The following KLF8 variants were observed in gnomAD, a reference collection of about 807,000 sequenced individuals.
KLF8 encodes Krueppel-like factor 8.
In KLF8, 10 loss-of-function variants were observed where a neutral mutation model predicts 18.2. The observed-to-expected ratio is 0.55, with a 90% confidence interval of 0.34 to 0.93. The LOEUF is 0.93. Among genes scored for constraint, KLF8 ranks in the 40% least tolerant of loss-of-function variants. The probability of loss-of-function intolerance (pLI) is 0.02; values close to 1 mark genes in which losing one functional copy is unlikely to be tolerated. For synonymous variants in KLF8, 109 were observed against 97.3 expected (o/e 1.12, Z -0.71); for missense variants, 264 against 277.9 (o/e 0.95, Z 0.36).
chrX:56,053,989 CTCTA>C, the KLF8 span, among the ~76,000 whole-genome samples: 1 of 110,762 alleles, frequency 9.0e-6, no homozygotes, highest in African/African-American at 3.3e-5. Flanking sequence ...TTTTTCATAT[CTCTA>C]TCTTCTTTTC....
chrX:56,111,502 T>A, the KLF8 span, among the ~76,000 whole-genome samples: 2 of 112,117 alleles, frequency 1.8e-5, no homozygotes, highest in African/African-American at 6.5e-5. Context: ...ACTAAAGAGC[T>A]TCTGCACATC....
chrX:56,158,161 T>G, the KLF8 span, among the ~76,000 whole-genome samples: 9 of 111,866 alleles, frequency 8.0e-5, no homozygotes, highest in Non-Finnish European at 1.7e-4. Flanking sequence ...TTTCCCCATT[T>G]CTTGTTTTTC....
At chrX:55,910,148 G>A in the KLF8 span, among the ~76,000 whole-genome samples, 5 of 111,776 alleles carry the variant, frequency 4.5e-5, no homozygotes, top group Admixed American at 1.9e-4. Context: ...CTTACTCAGC[G>A]GTCCAGGGTA....
chrX:56,154,100 C>CA, the KLF8 span, among the ~76,000 whole-genome samples: 97 of 110,510 alleles, frequency 8.8e-4, 1 homozygote, highest in African/African-American at 2.9e-3. Context: ...CATATGGAAC[C>CA]AAAAAAAGAG....
chrX:56,069,469 G>T, the KLF8 span, among the ~76,000 whole-genome samples: 1 of 110,461 alleles, frequency 9.1e-6, no homozygotes, highest in Non-Finnish European at 1.9e-5. Context: ...CCGCTTCTGT[G>T]GAAACTCAGC....
the KLF8 span, among the ~76,000 whole-genome samples, chrX:55,910,011 C>T: frequency 9.0e-6 from 1 of 111,385 alleles, no homozygotes; most frequent in Non-Finnish European, 1.9e-5. Context: ...CTCCACAGGT[C>T]GAAGAGATGA....
chrX:56,172,292 T>C, the KLF8 span, among the ~76,000 whole-genome samples: 14 of 110,849 alleles, frequency 1.3e-4, no homozygotes, highest in East Asian at 4.0e-3. Context: ...GTATGTGATG[T>C]TCCCCTTCCT....
chrX:55,988,967 A>C, the KLF8 span, among the ~76,000 whole-genome samples: 2 of 111,482 alleles, frequency 1.8e-5, no homozygotes, highest in Non-Finnish European at 3.8e-5. Context: ...TGAAGCAATG[A>C]TGAATGGGAG....
the KLF8 span, among the ~76,000 whole-genome samples, chrX:56,163,169 C>G: frequency 1.8e-4 from 20 of 111,891 alleles, no homozygotes; most frequent in Admixed American, 1.7e-3. Flanking sequence ...GGAATTACTG[C>G]ACTATCTTCC....
At chrX:56,012,838 C>G in the KLF8 span, among the ~76,000 whole-genome samples, 2 of 111,004 alleles carry the variant, frequency 1.8e-5, no homozygotes, top group Non-Finnish European at 1.9e-5. Context: ...TGTCATTTTT[C>G]ACAGAATTAG....
chrX:56,068,716 G>T, the KLF8 span, among the ~76,000 whole-genome samples: 1 of 101,853 alleles, frequency 9.8e-6, no homozygotes, highest in Non-Finnish European at 2.0e-5. Flanking sequence ...CCTGCCAATG[G>T]TAGCCAGGCA....
At chrX:56,088,605 C>T in the KLF8 span, among the ~76,000 whole-genome samples, 1 of 111,804 alleles carries the variant, frequency 8.9e-6, no homozygotes, top group African/African-American at 3.3e-5. Flanking sequence ...CAAAGTGGCT[C>T]TGAGGACCAA....
At chrX:56,158,681 G>T in the KLF8 span, among the ~76,000 whole-genome samples, 4 of 110,476 alleles carry the variant, frequency 3.6e-5, no homozygotes, top group Non-Finnish European at 7.6e-5. Context: ...TCATGATTTG[G>T]CTGTTTGTCT....
the KLF8 span, among the ~76,000 whole-genome samples, chrX:56,206,716 G>A: frequency 1.8e-5 from 2 of 112,176 alleles, no homozygotes; most frequent in African/African-American, 6.5e-5. Flanking sequence ...TGTGCAAGAT[G>A]TTGGTGAATC....
chrX:55,946,538 A>G, the KLF8 span, among the ~76,000 whole-genome samples: 1 of 111,978 alleles, frequency 8.9e-6, no homozygotes, highest in Non-Finnish European at 1.9e-5. Flanking sequence ...AAACCCTAGA[A>G]GAAAACCTAG....
At chrX:56,011,357 G>A in the KLF8 span, among the ~76,000 whole-genome samples, 2 of 112,051 alleles carry the variant, frequency 1.8e-5, no homozygotes, top group Admixed American at 1.9e-4. Flanking sequence ...TGAACAACCT[G>A]CTCCTGAATG....
chrX:56,253,522 A>G (rs2066743062), intron 2 of KLF8, among the ~76,000 whole-genome samples: 1 of 110,685 alleles, frequency 9.0e-6, no homozygotes, highest in Non-Finnish European at 1.9e-5. Flanking sequence ...TTCTTTGTAG[A>G]TGTATGGCTT....
At chrX:56,005,161 G>A in the KLF8 span, among the ~76,000 whole-genome samples, 2 of 110,293 alleles carry the variant, frequency 1.8e-5, no homozygotes, top group Non-Finnish European at 3.8e-5. Flanking sequence ...TCCTGCCTCA[G>A]CCTCCAGAGT....
chrX:56,273,076 C>A (rs980062913), intron 5 of KLF8, among the ~76,000 whole-genome samples: 1 of 111,704 alleles, frequency 9.0e-6, no homozygotes, highest in Admixed American at 9.5e-5. Flanking sequence ...GTTTTCTTTT[C>A]TTTCTTTTAA....
Sources: gnomAD v4.1 joint callset for allele counts (sites outside exome capture counted in the v4.1 genomes callset) on GRCh38, gnomAD v4.1.1 for gene constraint, MANE v1.5 for transcripts, NCBI Gene and HGNC (gene_info 2026-07-23, HGNC 2026-07-21) for gene names.